The following HSDL2 variants were observed in gnomAD, a reference collection of about 807,000 sequenced individuals.
HSDL2 encodes the protein hydroxysteroid dehydrogenase-like protein 2.
In HSDL2, 27 loss-of-function variants were observed where a neutral mutation model predicts 46.3. The observed-to-expected ratio is 0.58, with a 90% CI of 0.43 to 0.80. The LOEUF (loss-of-function observed/expected upper bound fraction) is 0.80. HSDL2 is among the 30% of genes least tolerant of loss of function. The pLI, the probability that HSDL2 is intolerant of heterozygous loss-of-function variation, is 0.00. For missense variants in HSDL2, 451 were observed against 502.7 expected, an observed-to-expected ratio of 0.90 and a Z score of 0.98; for synonymous variants, 153 against 163.6, an observed-to-expected ratio of 0.94 and a Z score of 0.50.
chr9:112,455,280 T>TA lies in HSDL2; in HGVS notation c.1015+1129dup, dbSNP rs1262367829. On this transcript the variant is annotated intron_variant, in intron 9 of 10. Transcript: ENST00000398805. ...GTTAAGAAACAGATAAAATTCGTGTTAAAAAAAAAAAGGCTACCTCAGCCC... is the reference window on the plus strand; with the variant it reads ...GTTAAGAAACAGATAAAATTCGTGTTAAAAAAAAAAAAGGCTACCTCAGCCC... Among the ~76,000 whole-genome samples, 810 of 140,988 alleles carry TA rather than the reference T, an allele frequency of 5.7e-3. 8 individuals are homozygous for TA. The highest frequency in any genetic ancestry group is 0.018 in the African/African-American group (700 of 37,980). 92.5% of individuals were successfully genotyped at this position (140,988 alleles called of 152,430 possible).
chr9:112,459,701 G>A (rs765554482), intron 10 of HSDL2, 124 bp downstream of exon 10: 7 of 805,026 alleles, frequency 8.7e-6, no homozygotes, highest in Non-Finnish European at 1.4e-5. Context: ...TCTTAGTTTT[G>A]GGAAGGCTGT....
At chr9:112,401,719 G>C (rs372577384) in intron 1 of HSDL2, among the ~76,000 whole-genome samples, 3 of 152,078 alleles carry the variant, frequency 2.0e-5, no homozygotes, top group Admixed American at 1.3e-4. Context: ...TCTGTGGGGT[G>C]GGGGAGGGAA....
chr9:112,453,215 G>A (rs1387468910), intron 8 of HSDL2, among the ~76,000 whole-genome samples: 1 of 152,168 alleles, frequency 6.6e-6, no homozygotes, highest in Non-Finnish European at 1.5e-5. Flanking sequence ...ACACTTGGGT[G>A]TTGATTCAAG....
chr9:112,472,208 A>G lies in HSDL2; in HGVS notation c.*1664A>G, dbSNP rs1833593867. ...ATGATGAGGAAGCCCCCTCTGCTTT[A>G]ATCCACACAAGGAACGTAACCTGAA... is the stretch of plus-strand genomic sequence containing the variant. On this transcript the variant is annotated 3_prime_UTR_variant, in exon 11 of 11. Transcript: ENST00000398805. 6.6e-6 allele frequency: 1 copy of G among 152,214 alleles called. No individual in the cohort carries two copies. The highest frequency in any genetic ancestry group is 6.5e-5 in the Admixed American group (1 of 15,280). The allele number at this position is 152,214 out of a possible 1,614,324, so 9.4% of individuals were successfully genotyped here. A position where few individuals can be genotyped will look rare whatever the true frequency, so the allele number is the denominator to read the frequency against.
Position 112,454,063 on chromosome 9 carries a change from C to G in HSDL2, c.916C>G (p.Arg306Gly). The change falls in exon 9 of 11, where the codon CGT (arginine) becomes GGT (glycine). Residue 306 changes from arginine to glycine, a missense_variant. By Grantham distance (125) the Arg-to-Gly change is moderately radical (BLOSUM62 -2). Coordinates refer to ENST00000398805, the MANE Select transcript of HSDL2 (RefSeq NM_032303.5). ...GAAACTGCAGCTGCAACCAAAACCA[C>G]GTTCTGGAGCTGTGGAAGAAACATT... ...EEKLQLQPKP[R>G]SGAVEETFRI... 1 of 1,613,746 alleles carries G rather than the reference C, an allele frequency of 6.2e-7. No homozygotes were observed. Among genetic ancestry groups the G allele is most frequent in the Non-Finnish European group, 8.5e-7 (1 of 1,179,722 alleles).
At chr9:112,461,543 A>G (rs771464719) in intron 10 of HSDL2, among the ~76,000 whole-genome samples, 44 of 152,260 alleles carry the variant, frequency 2.9e-4, no homozygotes, top group Non-Finnish European at 5.3e-4. Context: ...CATTTAAAAT[A>G]AAAATGTATT....
chr9:112,417,243 G>A (rs887843477), intron 5 of HSDL2, among the ~76,000 whole-genome samples: 6 of 152,118 alleles, frequency 3.9e-5, no homozygotes, highest in Non-Finnish European at 7.4e-5. Context: ...ATTTCAGAAA[G>A]CTCTTTCATT....
intron 3 of HSDL2, among the ~76,000 whole-genome samples, chr9:112,406,763 C>T (rs572801740): frequency 5.3e-5 from 8 of 152,320 alleles, no homozygotes; most frequent in East Asian, 1.9e-4. Flanking sequence ...CCACCGTGCC[C>T]GGCCTCTCTG....
chr9:112,444,904 G>T (rs1317740572), intron 8 of HSDL2, among the ~76,000 whole-genome samples: 1 of 146,840 alleles, frequency 6.8e-6, no homozygotes, highest in African/African-American at 2.5e-5. Context: ...TAGAGACTGG[G>T]TCTCACCCCG....
intron 9 of HSDL2, among the ~76,000 whole-genome samples, chr9:112,457,038 C>T (rs1407258156): frequency 5.3e-5 from 8 of 152,112 alleles, no homozygotes; most frequent in Admixed American, 1.3e-4. Context: ...GTCCCAGCTA[C>T]TTGGGAGGCT....
At chr9:112,397,930 C>G (rs1015239667) in intron 1 of HSDL2, among the ~76,000 whole-genome samples, 4 of 152,118 alleles carry the variant, frequency 2.6e-5, no homozygotes, top group Non-Finnish European at 5.9e-5. Flanking sequence ...CTGGGAGATT[C>G]CAGCACGACC....
chr9:112,438,700 T>C (rs947740815), intron 7 of HSDL2, 75 bp downstream of exon 7: 2 of 827,152 alleles, frequency 2.4e-6, no homozygotes, highest in Middle Eastern at 3.8e-4. Context: ...CTGTTTTTTG[T>C]GTGTGTTTGT....
chr9:112,458,918 T>A (rs1833116076), intron 9 of HSDL2, among the ~76,000 whole-genome samples: 1 of 151,660 alleles, frequency 6.6e-6, no homozygotes, highest in Non-Finnish European at 1.5e-5. Flanking sequence ...GAGGCGGAGC[T>A]TGCAGTGAGC....
chr9:112,444,196 C>T (rs528862595), intron 8 of HSDL2, among the ~76,000 whole-genome samples: 2 of 152,330 alleles, frequency 1.3e-5, no homozygotes, highest in South Asian at 4.1e-4. Context: ...TGGGCTATAA[C>T]TTACCTCTTT....
intron 10 of HSDL2, among the ~76,000 whole-genome samples, chr9:112,468,107 C>T (rs1001745871): frequency 2.6e-5 from 4 of 152,108 alleles, no homozygotes; most frequent in Non-Finnish European, 4.4e-5. Context: ...ATTTTGAAGC[C>T]ATTGCTTTAT....
intron 4 of HSDL2, among the ~76,000 whole-genome samples, chr9:112,410,704 G>C (rs887956839): frequency 1.3e-5 from 2 of 152,090 alleles, no homozygotes; most frequent in African/African-American, 2.4e-5. Context: ...AGCCAGGCGG[G>C]TCACTTGAGC....
rs1305632278 is a variant in HSDL2, at chr9:112,453,921, T to G, written c.866-92T>G. ...GTCATTTTGGTCAAATAGGTCTAAT[T>G]GGTGGCAAGTCTGTCCTGCTGATTA... On this transcript the variant is annotated intron_variant, in intron 8 of 10. Coordinates refer to ENST00000398805, the MANE Select transcript of HSDL2 (RefSeq NM_032303.5). 3 of 1,239,160 alleles carry G rather than the reference T, an allele frequency of 2.4e-6. No homozygotes were observed. In the East Asian group the frequency reaches 7.3e-5, roughly 30 times the overall value. The allele number at this position is 1,239,160 out of a possible 1,614,324, so 76.8% of individuals were successfully genotyped here. A position where few individuals can be genotyped will look rare whatever the true frequency, so the allele number is the denominator to read the frequency against.
rs747412876 is a variant in HSDL2 at position 112,408,964 on chromosome 9, C to T, written c.338C>T (p.Thr113Ile). Residue 113 changes from threonine (T) to isoleucine (I), a missense_variant, in exon 4 of 11, where the codon ACA becomes ATA. Thr to Ile is a moderately conservative substitution (Grantham distance 89). Transcript: ENST00000398805. The stretch of plus-strand genomic sequence containing the variant: ...ATTAGTTTGACCAATACATTGGACA[C>T]ACCTACCAAGAGATTGGATCTGATG... ...SAISLTNTLD[T>I]PTKRLDLMMN... is the part of the protein sequence containing the mutation. 4 of 1,609,038 alleles carry T rather than the reference C, an allele frequency of 2.5e-6. No individual in the cohort carries two copies. Among genetic ancestry groups the T allele is most frequent in the Middle Eastern group, 1.6e-4 (1 of 6,074 alleles).
intron 3 of HSDL2, among the ~76,000 whole-genome samples, chr9:112,407,661 C>T (rs1831761458): frequency 6.6e-6 from 1 of 152,178 alleles, no homozygotes; most frequent in South Asian, 2.1e-4. Context: ...AAGGGATCCA[C>T]CCACCTCAAC....
Sources: gnomAD v4.1 joint callset for allele counts (sites outside exome capture counted in the v4.1 genomes callset) on GRCh38, gnomAD v4.1.1 for gene constraint, MANE v1.5 for transcripts, NCBI Gene and HGNC (gene_info 2026-07-23, HGNC 2026-07-21) for gene names.